Variants in RANBP2 observed in about 807,000 individuals in gnomAD.
The protein encoded by RANBP2 is RAN binding protein 2, also known as E3 SUMO-protein ligase RanBP2.
A neutral mutation model predicts 303.6 loss-of-function variants in RANBP2; 57 were observed. The ratio of observed to expected loss-of-function variants is 0.19; its 90% CI spans 0.15 to 0.23. RANBP2 has a LOEUF of 0.23. RANBP2 is among the 10% of genes least tolerant of loss of function. The pLI is 1.00. For missense variants in RANBP2, 3,138 were observed against 3,780.8 expected (o/e 0.83, Z 4.46); for synonymous variants, 1,167 against 1,301.5 (o/e 0.90, Z 2.23).
chr2:109,466,243 C>T, the RANBP2 span, among the ~76,000 whole-genome samples: 2 of 151,960 alleles, frequency 1.3e-5, no homozygotes. Flanking sequence ...CCACCACACC[C>T]AGCTAATTTT....
chr2:109,105,879 A>G, the RANBP2 span, among the ~76,000 whole-genome samples: 5 of 131,892 alleles, frequency 3.8e-5, no homozygotes, highest in African/African-American at 1.2e-4. Context: ...TTTGAAATGG[A>G]ATCACGCTCT....
the RANBP2 span, among the ~76,000 whole-genome samples, chr2:108,916,881 A>G: frequency 6.6e-6 from 1 of 152,170 alleles, no homozygotes; most frequent in Non-Finnish European, 1.5e-5. Flanking sequence ...ACTTCTCACA[A>G]GACTGGTCAG....
At chr2:109,219,932 A>G in the RANBP2 span, among the ~76,000 whole-genome samples, 2 of 152,232 alleles carry the variant, frequency 1.3e-5, no homozygotes, top group African/African-American at 4.8e-5. Flanking sequence ...AGCACTCTAA[A>G]ATTTATATGG....
At chr2:108,853,528 C>CTT in the RANBP2 span, among the ~76,000 whole-genome samples, 23 of 139,110 alleles carry the variant, frequency 1.7e-4, no homozygotes, top group South Asian at 1.6e-3. Context: ...TGATAGCTTT[C>CTT]TTTTTTTTTT....
chr2:108,886,753 A>C, the RANBP2 span, among the ~76,000 whole-genome samples: 1 of 152,094 alleles, frequency 6.6e-6, no homozygotes, highest in South Asian at 2.1e-4. Flanking sequence ...AAAAAATTTA[A>C]CTGTGGAGCT....
chr2:109,702,453 C>G, the RANBP2 span, among the ~76,000 whole-genome samples: 1 of 152,196 alleles, frequency 6.6e-6, no homozygotes, highest in Non-Finnish European at 1.5e-5. Flanking sequence ...GGCTGACCTG[C>G]CACCCACCAC....
chr2:109,110,059 T>G, the RANBP2 span, among the ~76,000 whole-genome samples: 1 of 152,134 alleles, frequency 6.6e-6, no homozygotes, highest in Non-Finnish European at 1.5e-5. Flanking sequence ...ACCCCTTCAC[T>G]TGCTCACTTA....
At chr2:109,405,763 G>T in the RANBP2 span, among the ~76,000 whole-genome samples, 1 of 151,992 alleles carries the variant, frequency 6.6e-6, no homozygotes, top group Admixed American at 6.6e-5. Flanking sequence ...AGGACTTCCA[G>T]TGTGCCCATG....
the RANBP2 span, chr2:109,585,927 T>A: frequency 1.1e-6 from 1 of 880,152 alleles, no homozygotes; most frequent in Admixed American, 2.5e-5. Context: ...GACAAATATA[T>A]CAAATAAATG....
the RANBP2 span, among the ~76,000 whole-genome samples, chr2:109,040,472 A>G: frequency 1.3e-5 from 2 of 152,188 alleles, no homozygotes; most frequent in Non-Finnish European, 2.9e-5. Flanking sequence ...ATTTTAGAAT[A>G]CTTTGGAAAA....
chr2:109,421,077 C>T, the RANBP2 span, among the ~76,000 whole-genome samples: 1 of 152,228 alleles, frequency 6.6e-6, no homozygotes, highest in Non-Finnish European at 1.5e-5. Context: ...TCAGTTCTGG[C>T]AGCTTCAGGC....
the RANBP2 span, among the ~76,000 whole-genome samples, chr2:109,180,619 T>G: frequency 6.6e-6 from 1 of 152,178 alleles, no homozygotes; most frequent in East Asian, 1.9e-4. Context: ...TCTCACGAGA[T>G]CTGATGATTT....
chr2:109,021,487 C>CA, the RANBP2 span, among the ~76,000 whole-genome samples: 2 of 150,982 alleles, frequency 1.3e-5, no homozygotes, highest in African/African-American at 4.9e-5. Flanking sequence ...GGCGCCACTG[C>CA]CCTCCAGCCT....
At chr2:109,646,931 G>A in the RANBP2 span, among the ~76,000 whole-genome samples, 1 of 152,006 alleles carries the variant, frequency 6.6e-6, no homozygotes, top group Admixed American at 6.6e-5. Flanking sequence ...AATACTAGGA[G>A]TTTTAATAAA....
chr2:109,593,049 A>T, the RANBP2 span: 1 of 1,579,670 alleles, frequency 6.3e-7, no homozygotes, highest in Non-Finnish European at 8.6e-7. Flanking sequence ...AGACATACTC[A>T]CTATCTGTTC....
the RANBP2 span, among the ~76,000 whole-genome samples, chr2:109,083,426 C>A: frequency 6.6e-6 from 1 of 152,188 alleles, no homozygotes; most frequent in Non-Finnish European, 1.5e-5. Context: ...TTTCCCAGAG[C>A]ATCACGGCCT....
At chr2:109,526,547 A>G in the RANBP2 span, among the ~76,000 whole-genome samples, 7,118 of 152,154 alleles carry the variant, frequency 0.047, 560 homozygotes, top group African/African-American at 0.16. Context: ...CCTGACCTCA[A>G]GTGATCCACC....
chr2:108,784,036 C>T lies in RANBP2; in HGVS notation c.*135C>T. On this transcript the variant is annotated 3_prime_UTR_variant, in exon 29 of 29. Transcript: ENST00000283195. ...ACAAATGTAAAATTGCAGCTTATAG[C>T]TGTTGTCACTTTTTAATGTGTTATA... 1.2e-6 allele frequency: 1 copy of T among 827,792 alleles called. No individual in the cohort carries two copies. The highest frequency in any genetic ancestry group is 1.9e-6 in the Non-Finnish European group (1 of 536,874). 51.3% of individuals were successfully genotyped at this position (827,792 alleles called of 1,614,324 possible). A position where few individuals can be genotyped will look rare whatever the true frequency, so the allele number is the denominator to read the frequency against.
At chr2:108,743,650 A>G (rs2556228) in intron 7 of RANBP2, among the ~76,000 whole-genome samples, 10 of 152,246 alleles carry the variant, frequency 6.6e-5, no homozygotes, top group South Asian at 2.1e-4. Flanking sequence ...CTAGATGACA[A>G]CTACTGTTAG....
Sources: gnomAD v4.1 joint callset for allele counts (sites outside exome capture counted in the v4.1 genomes callset) on GRCh38, gnomAD v4.1.1 for gene constraint, MANE v1.5 for transcripts, NCBI Gene and HGNC (gene_info 2026-07-23, HGNC 2026-07-21) for gene names.